The following TBC1D4 variants were observed in gnomAD, a reference collection of about 807,000 sequenced individuals.
TBC1D4 encodes the protein TBC (Tre-2, BUB2, CDC16) domain-containing protein.
Under a neutral mutation model 142.5 loss-of-function variants are expected in TBC1D4, and 121 were observed. The observed-to-expected ratio is 0.85, with a 90% CI of 0.73 to 0.99. The LOEUF is 0.99. Among genes scored for constraint, TBC1D4 ranks in the 50% least tolerant of loss-of-function variants. TBC1D4 has a pLI of 0.00. For missense variants in TBC1D4, 1,475 were observed against 1,606.6 expected (o/e 0.92, Z 1.40); for synonymous variants, 630 against 628.2 (o/e 1.00, Z -0.04).
chr13:75,434,693 T>C (rs1290160536), intron 1 of TBC1D4, among the ~76,000 whole-genome samples: 2 of 151,996 alleles, frequency 1.3e-5, no homozygotes, highest in East Asian at 1.9e-4. Context: ...AAAATGTTTT[T>C]ATATAAGATG....
chr13:75,321,072 G>A lies in TBC1D4; in HGVS notation c.2199-1035C>T, dbSNP rs10400677. On this transcript the variant is annotated intron_variant, in intron 11 of 20. Transcript: ENST00000377636. ...AAAAAAAAGTAATGGTATTGTTAGC[G>A]TATCTCCTACCCTACCCTATTCCCT... Among the ~76,000 whole-genome samples the A allele has an allele frequency of 5.8e-3, 875 of 151,162 alleles. 8 individuals carry two copies. The highest frequency in any genetic ancestry group is 0.02 in the African/African-American group (824 of 41,268).
intron 1 of TBC1D4, among the ~76,000 whole-genome samples, chr13:75,454,167 G>A (rs1419834130): frequency 6.6e-6 from 1 of 151,976 alleles, no homozygotes; most frequent in Non-Finnish European, 1.5e-5. Flanking sequence ...GACTACAGGT[G>A]TGCCACCATG....
At chr13:75,423,087 A>G (rs1886234035) in intron 1 of TBC1D4, among the ~76,000 whole-genome samples, 1 of 152,192 alleles carries the variant, frequency 6.6e-6, no homozygotes, top group Admixed American at 6.5e-5. Flanking sequence ...ATCTTAAGGG[A>G]AAAGTTTCCA....
In TBC1D4 at chr13:75,356,184, T is replaced by C. The variant is rs752203792; in HGVS notation, c.1238A>G (p.Tyr413Cys). Residue 413 changes from tyrosine to cysteine, a missense_variant, in exon 4 of 21, where the codon TAT (tyrosine) becomes TGT (cysteine). By Grantham distance (194) the Tyr-to-Cys change is radical (BLOSUM62 -2). Coordinates refer to ENST00000377636, the MANE Select transcript of TBC1D4 (RefSeq NM_014832.5). The part of the protein sequence containing the change: ...RESPEPGLSQ[Y>C]ICYVFQCASE... The stretch of plus-strand genomic sequence containing the variant: ...GGCACACTGGAATACATAACAAATA[T>C]ACTGGCTAAGTCCAGGCTCTGGAGA... The C allele has an allele frequency of 6.2e-7, 1 of 1,613,726 alleles. No individual in the cohort carries two copies. The highest frequency in any genetic ancestry group is 8.5e-7 in the Non-Finnish European group (1 of 1,179,778).
In TBC1D4 at chr13:75,481,654, C is replaced by T. The variant is rs765059156; in HGVS notation, c.114G>A (p.Leu38=). The change falls in exon 1 of 21, where the codon CTG becomes CTA. Residue 38 remains leucine (L), a synonymous_variant. Transcript: ENST00000377636. ...CCAGGCACGACCCCCCAACGTACCA[C>T]AGCCGGAACCGCTTATCGCTTGGCT... is the stretch of plus-strand genomic sequence containing the variant. ...PGKPSDKRFR[L]WYVGGSCLDH... 1 of 1,602,870 alleles carries T rather than the reference C, an allele frequency of 6.2e-7. No individual in the cohort carries two copies. The highest frequency in any genetic ancestry group is 1.3e-5 in the African/African-American group (1 of 74,228).
chr13:75,337,110 C>T, intron 7 of TBC1D4, 70 bp from the exon 8 acceptor site: 1 of 1,430,688 alleles, frequency 7.0e-7, no homozygotes, highest in East Asian at 2.3e-5. Flanking sequence ...TAATTATAGG[C>T]TTAAGACTAA....
In TBC1D4 at chr13:75,349,302, C is replaced by T; in HGVS notation, c.1276G>A (p.Val426Ile). Reference sequence around the variant, plus strand: ...TTCAGAGTCAGCATTACCTCATCAACCTACAGGAAGAAACAAAACTCAGGT... The same window carrying T: ...TTCAGAGTCAGCATTACCTCATCAATCTACAGGAAGAAACAAAACTCAGGT... ...YVFQCASESLVDEVMLTLKQA... is the reference protein window; with the variant it reads ...YVFQCASESLIDEVMLTLKQA... The change falls in exon 5 of 21, where the codon GTT becomes ATT. Residue 426 changes from valine to isoleucine, a missense_variant and splice_region_variant. By Grantham distance (29) the Val-to-Ile change is conservative. Coordinates refer to ENST00000377636, the MANE Select transcript of TBC1D4 (RefSeq NM_014832.5). 2.5e-6 allele frequency: 4 copies of T among 1,613,796 alleles called. No homozygotes were observed. Among genetic ancestry groups the T allele is most frequent in the Non-Finnish European group, 3.4e-6 (4 of 1,179,874 alleles).
chr13:75,442,446 A>C (rs1338311303), intron 1 of TBC1D4, among the ~76,000 whole-genome samples: 1 of 152,218 alleles, frequency 6.6e-6, no homozygotes, highest in African/African-American at 2.4e-5. Context: ...AACAAATTCA[A>C]AATCACTTAA....
At chr13:75,436,661 A>T (rs1052715684) in intron 1 of TBC1D4, among the ~76,000 whole-genome samples, 2 of 152,036 alleles carry the variant, frequency 1.3e-5, no homozygotes, top group East Asian at 3.9e-4. Flanking sequence ...TGTCTCCAAA[A>T]AAAAAAAACA....
chr13:75,367,560 C>A (rs2138196054), intron 1 of TBC1D4, among the ~76,000 whole-genome samples: 1 of 150,128 alleles, frequency 6.7e-6, no homozygotes, highest in South Asian at 2.1e-4. Flanking sequence ...CATTAGGGAA[C>A]AAGTAAACTG....
chr13:75,416,071 A>G (rs1209201210), intron 1 of TBC1D4, among the ~76,000 whole-genome samples: 1 of 152,262 alleles, frequency 6.6e-6, no homozygotes, highest in Non-Finnish European at 1.5e-5. Flanking sequence ...AAGTTTAGCA[A>G]ATTGTACAAA....
At chr13:75,449,331 G>A (rs555627068) in intron 1 of TBC1D4, among the ~76,000 whole-genome samples, 57 of 150,776 alleles carry the variant, frequency 3.8e-4, no homozygotes, top group African/African-American at 1.3e-3. Flanking sequence ...TTTCTTATAC[G>A]TACATACCTA....
At chr13:75,386,895 T>TGTA (rs1318027089) in intron 1 of TBC1D4, among the ~76,000 whole-genome samples, 4 of 152,106 alleles carry the variant, frequency 2.6e-5, no homozygotes, top group African/African-American at 9.7e-5. Flanking sequence ...GAAAACCTGG[T>TGTA]GTAGGTATTT....
chr13:75,395,007 C>A (rs1331495305), intron 1 of TBC1D4, among the ~76,000 whole-genome samples: 1 of 152,148 alleles, frequency 6.6e-6, no homozygotes, highest in Non-Finnish European at 1.5e-5. Context: ...ATAAAAATAA[C>A]CATTTACAAT....
At chr13:75,314,920 C>T (rs1166730703) in intron 12 of TBC1D4, among the ~76,000 whole-genome samples, 1 of 152,090 alleles carries the variant, frequency 6.6e-6, no homozygotes, top group African/African-American at 2.4e-5. Context: ...GCAGAGGTTG[C>T]AGTGAGCCGA....
At chr13:75,389,863 T>C (rs946208887) in intron 1 of TBC1D4, among the ~76,000 whole-genome samples, 2 of 152,174 alleles carry the variant, frequency 1.3e-5, no homozygotes, top group African/African-American at 4.8e-5. Context: ...CCAGAAAATT[T>C]ACAAGTTAAA....
intron 1 of TBC1D4, among the ~76,000 whole-genome samples, chr13:75,462,270 T>C (rs781412946): frequency 6.6e-6 from 1 of 152,200 alleles, no homozygotes; most frequent in Non-Finnish European, 1.5e-5. Context: ...GATGCAAATG[T>C]GTCCGAGGTG....
chr13:75,444,883 T>C (rs1310244337), intron 1 of TBC1D4, among the ~76,000 whole-genome samples: 1 of 152,234 alleles, frequency 6.6e-6, no homozygotes, highest in Non-Finnish European at 1.5e-5. Context: ...AAAAATGATA[T>C]TAATGGCTTT....
At chr13:75,297,011 T>C (rs1191996613) in intron 17 of TBC1D4, among the ~76,000 whole-genome samples, 1 of 152,110 alleles carries the variant, frequency 6.6e-6, no homozygotes, top group African/African-American at 2.4e-5. Flanking sequence ...AAACATCCTA[T>C]TGGCTATACC....
Sources: gnomAD v4.1 joint callset for allele counts (sites outside exome capture counted in the v4.1 genomes callset) on GRCh38, gnomAD v4.1.1 for gene constraint, MANE v1.5 for transcripts, NCBI Gene and HGNC (gene_info 2026-07-23, HGNC 2026-07-21) for gene names.